The following RBL2 variants were observed in gnomAD, a reference collection of about 807,000 sequenced individuals.
The protein encoded by RBL2 is retinoblastoma-like protein 2.
A neutral mutation model predicts 126.0 loss-of-function variants in RBL2; 56 were observed. The observed-to-expected ratio is 0.44, with a 90% CI of 0.36 to 0.56. The LOEUF is 0.56. RBL2 is among the 20% of genes least tolerant of loss of function. RBL2 has a pLI of 0.00. For synonymous variants in RBL2, 454 were observed against 478.5 expected (o/e 0.95, Z 0.67); for missense variants, 1,229 against 1,398.2 (o/e 0.88, Z 1.93).
At chr16:53,481,091 G>A (rs1434741216) in intron 20 of RBL2, 2 of 207,118 alleles carry the variant, frequency 9.7e-6, no homozygotes, top group South Asian at 7.9e-5. Flanking sequence ...CATGGGAGGC[G>A]GTGGTTGCAG....
intron 9 of RBL2, among the ~76,000 whole-genome samples, 191 bp downstream of exon 9, chr16:53,459,808 C>T (rs532588006): frequency 3.1e-4 from 47 of 150,914 alleles, no homozygotes; most frequent in African/African-American, 1.1e-3. Flanking sequence ...CCTTAGATTT[C>T]TTTAATATAA....
intron 1 of RBL2, chr16:53,435,545 C>A: frequency 8.3e-7 from 1 of 1,198,156 alleles, no homozygotes; most frequent in Non-Finnish European, 1.1e-6. Flanking sequence ...AATGGCCATT[C>A]TAGCCAGTGA....
Position 53,481,824 on chromosome 16 carries a change from A to C in RBL2, c.3238A>C (p.Ser1080Arg). 1 of 1,580,644 alleles carries C rather than the reference A, an allele frequency of 6.3e-7. No individual in the cohort carries two copies. Among genetic ancestry groups the C allele is most frequent in the Non-Finnish European group, 8.7e-7 (1 of 1,149,634 alleles). Residue 1080 changes from serine (S) to arginine (R), a missense_variant, in exon 21 of 22, where the codon AGT (serine) becomes CGT (arginine). By Grantham distance (110) the Ser-to-Arg change is moderately radical. Transcript: ENST00000262133. Reference protein sequence around the residue: ...REKIFYYFSNSPSKRLREINS... With the variant: ...REKIFYYFSNRPSKRLREINS... ...AAAGATTTTCTATTACTTCAGCAAC[A>C]GTCCTTCAAAGGTGAGCCTAACATC...
At chr16:53,464,581 CCTCT>C (rs2058253639) in intron 12 of RBL2, 2 of 378,112 alleles carry the variant, frequency 5.3e-6, no homozygotes, top group African/African-American at 2.1e-5. Context: ...AGCTTTGATT[CCTCT>C]CTATCTAATA....
chr16:53,451,621 A>T (rs2058115518), intron 4 of RBL2, 82 bp from the exon 5 acceptor site: 2 of 1,473,072 alleles, frequency 1.4e-6, no homozygotes, highest in Non-Finnish European at 1.9e-6. Context: ...TTGTAATGTC[A>T]TAATAAGTAA....
chr16:53,441,314 T>C (rs2058013788), intron 2 of RBL2, among the ~76,000 whole-genome samples: 1 of 152,102 alleles, frequency 6.6e-6, no homozygotes, highest in Non-Finnish European at 1.5e-5. Context: ...ACACAACTAC[T>C]TTACTAGCAA....
At position 53,470,473 on chromosome 16, in the gene RBL2, C is replaced by T. The variant is rs377369435; in HGVS notation, c.2336C>T (p.Pro779Leu). The change falls in exon 16 of 22, where the codon CCC becomes CTC. Residue 779 changes from proline (P) to leucine (L), a missense_variant. By Grantham distance (98) the Pro-to-Leu change is moderately conservative (BLOSUM62 -3). Around this residue, in one of 2 missense-constraint regions of RBL2, gnomAD observed 1,070 missense variants for 1,274.3 expected, o/e 0.84. Transcript: ENST00000262133. ...CAAGCTGTGACAGGCTCCATCCAGC[C>T]CCTCAGTGCTCAGGCCCTGGCTGGA... The part of the protein sequence containing the change: ...QAQAVTGSIQ[P>L]LSAQALAGSL... 26 of 1,614,058 alleles carry T rather than the reference C, an allele frequency of 1.6e-5. No individual in the cohort carries two copies. The highest frequency in any genetic ancestry group is 4.0e-5 in the African/African-American group (3 of 74,922).
At chr16:53,451,013 T>G (rs1027720261) in intron 4 of RBL2, among the ~76,000 whole-genome samples, 1 of 152,150 alleles carries the variant, frequency 6.6e-6, no homozygotes, top group Non-Finnish European at 1.5e-5. Context: ...TTTCTAATAA[T>G]TTTCATGACA....
intron 17 of RBL2, among the ~76,000 whole-genome samples, chr16:53,474,424 C>T (rs1960644165): frequency 6.6e-6 from 1 of 152,218 alleles, no homozygotes; most frequent in African/African-American, 2.4e-5. Flanking sequence ...TCAAGCAATT[C>T]TCCTGCCTCA....
At position 53,462,642 on chromosome 16, in the gene RBL2, A is replaced by G. The variant is rs1054012990; in HGVS notation, c.1547A>G (p.Asp516Gly). ...GAGCAGGAACAAAAAAGACTAGGAG[A>G]CATGGATTTATCTGTGAGTAAAATA... The part of the protein sequence containing the change: ...VIEQEQKRLG[D>G]MDLSGILEQD... Residue 516 changes from aspartate (D) to glycine (G), a missense_variant, in exon 11 of 22, where the codon GAC becomes GGC. This residue lies in a region of RBL2 where 1,070 missense variants were observed against 1,274.3 expected (regional missense o/e 0.84). Transcript: ENST00000262133. 2 of 1,539,822 alleles carry G rather than the reference A, an allele frequency of 1.3e-6. No individual in the cohort carries two copies. The highest frequency in any genetic ancestry group is 1.8e-6 in the Non-Finnish European group (2 of 1,138,214).
At chr16:53,475,697 C>T (rs1269420382) in intron 17 of RBL2, among the ~76,000 whole-genome samples, 1 of 151,410 alleles carries the variant, frequency 6.6e-6, no homozygotes, top group African/African-American at 2.4e-5. Context: ...TACTTTTTGC[C>T]CTTTTCTGTT....
At chr16:53,453,364 GA>G in intron 5 of RBL2, 87 bp from the exon 6 acceptor site, 1 of 1,242,014 alleles carries the variant, frequency 8.1e-7, no homozygotes, top group Non-Finnish European at 1.2e-6. Context: ...GTGGTATACT[GA>G]TTATACTCTA....
At chr16:53,459,813 A>C (rs1345467283) in intron 9 of RBL2, among the ~76,000 whole-genome samples, 196 bp downstream of exon 9, 4 of 152,142 alleles carry the variant, frequency 2.6e-5, no homozygotes, top group African/African-American at 9.7e-5. Context: ...GATTTCTTTA[A>C]TATAATACAA....
At chr16:53,445,384 T>G (rs530307260) in intron 3 of RBL2, among the ~76,000 whole-genome samples, 1 of 152,242 alleles carries the variant, frequency 6.6e-6, no homozygotes, top group Non-Finnish European at 1.5e-5. Context: ...TTAATCACTT[T>G]GTATACTTTC....
intron 7 of RBL2, 112 bp from the exon 8 acceptor site, chr16:53,454,543 GT>G: frequency 9.6e-7 from 1 of 1,037,360 alleles, no homozygotes; most frequent in Non-Finnish European, 1.4e-6. Flanking sequence ...CCCTACCAAA[GT>G]TTAACTTTCA....
intron 3 of RBL2, among the ~76,000 whole-genome samples, chr16:53,445,293 C>CTCCA (rs1454558957): frequency 1.4e-5 from 2 of 148,138 alleles, no homozygotes; most frequent in Non-Finnish European, 3.0e-5. Flanking sequence ...TACCACTGTA[C>CTCCA]TCCAGTTTGG....
At position 53,467,149 on chromosome 16, in the gene RBL2, A is replaced by T. The variant is rs776187508; in HGVS notation, c.1955A>T (p.Asp652Val). Residue 652 changes from aspartate to valine, a missense_variant, in exon 14 of 22, where the codon GAT (aspartate) becomes GTT (valine). Around this residue, in one of 2 missense-constraint regions of RBL2, gnomAD observed 1,070 missense variants for 1,274.3 expected, o/e 0.84. Coordinates refer to ENST00000262133, the MANE Select transcript of RBL2 (RefSeq NM_005611.4). ...AGAAGGGTGACTGAAGTTCGTGCTGATACTGGAGGACTTGGAAGGAGTAAG... is the reference window on the plus strand; with the variant it reads ...AGAAGGGTGACTGAAGTTCGTGCTGTTACTGGAGGACTTGGAAGGAGTAAG... ...TPRRVTEVRA[D>V]TGGLGRSITS... 1 of 1,613,190 alleles carries T rather than the reference A, an allele frequency of 6.2e-7. No individual in the cohort carries two copies. Among genetic ancestry groups the T allele is most frequent in the Non-Finnish European group, 8.5e-7 (1 of 1,179,332 alleles).
At chr16:53,453,179 A>G (rs2058131898) in intron 5 of RBL2, among the ~76,000 whole-genome samples, 1 of 152,180 alleles carries the variant, frequency 6.6e-6, no homozygotes, top group Non-Finnish European at 1.5e-5. Context: ...GTATCCTAAA[A>G]TTTGATATCC....
At chr16:53,453,031 G>T (rs569550207) in intron 5 of RBL2, among the ~76,000 whole-genome samples, 34 of 152,064 alleles carry the variant, frequency 2.2e-4, no homozygotes, top group Admixed American at 1.7e-3. Context: ...AGAATAAATT[G>T]TAAACTAGTA....
Sources: allele counts gnomAD v4.1 joint callset (sites outside exome capture counted in the v4.1 genomes callset), GRCh38; gene constraint gnomAD v4.1.1; regional missense constraint gnomAD v4.1.1; transcripts MANE v1.5; gene names NCBI Gene and HGNC (gene_info 2026-07-23, HGNC 2026-07-21).